Variants in NCKAP5 observed in about 807,000 individuals in gnomAD.
The protein encoded by NCKAP5 is NCK associated protein 5.
In NCKAP5, 92 loss-of-function variants were observed where a neutral mutation model predicts 167.0. The ratio of observed to expected loss-of-function variants is 0.55; its 90% CI spans 0.47 to 0.66. NCKAP5 has a LOEUF of 0.66. Ranked by LOEUF, NCKAP5 falls within the 30% of genes least tolerant of loss-of-function variation. NCKAP5 has a pLI of 0.00. For synonymous variants in NCKAP5, 891 were observed against 877.4 expected (o/e 1.02, Z -0.27); for missense variants, 2,378 against 2,315.0 (o/e 1.03, Z -0.56).
intron 4 of NCKAP5, among the ~76,000 whole-genome samples, chr2:133,270,374 C>T (rs994790878): frequency 1.3e-5 from 2 of 152,068 alleles, no homozygotes; most frequent in African/African-American, 4.8e-5. Flanking sequence ...TGGAACTTTC[C>T]CATCTGAGAA....
intron 19 of NCKAP5, among the ~76,000 whole-genome samples, chr2:132,713,232 G>A (rs889704679): frequency 7.9e-5 from 12 of 152,088 alleles, no homozygotes; most frequent in Non-Finnish European, 1.8e-4. Context: ...TGTTCAAAAC[G>A]ACAAAGTCAA....
the NCKAP5 span, among the ~76,000 whole-genome samples, chr2:133,672,562 A>G: frequency 5.9e-5 from 9 of 152,204 alleles, no homozygotes; most frequent in Admixed American, 6.5e-5. Context: ...ATTGTTCTAT[A>G]TGTTTAGCCT....
intron 6 of NCKAP5, among the ~76,000 whole-genome samples, chr2:133,056,569 C>T (rs2079808612): frequency 6.6e-6 from 1 of 152,126 alleles, no homozygotes; most frequent in Non-Finnish European, 1.5e-5. Flanking sequence ...ACATGAAATG[C>T]TAAATAAAGC....
intron 6 of NCKAP5, chr2:133,118,725 T>A (rs1350855593): frequency 6.6e-6 from 1 of 152,182 alleles, no homozygotes; most frequent in African/African-American, 2.4e-5. Flanking sequence ...TTTTGTTAGC[T>A]AAACACATAT....
chr2:133,550,375 A>G (rs1332542002), intron 2 of NCKAP5, among the ~76,000 whole-genome samples: 1 of 151,590 alleles, frequency 6.6e-6, no homozygotes, highest in Admixed American at 6.6e-5. Flanking sequence ...CGAATCCAGC[A>G]GCACATCAAA....
At chr2:132,964,004 G>A in intron 7 of NCKAP5, 135 bp from the exon 8 acceptor site, 1 of 979,462 alleles carries the variant, frequency 1.0e-6, no homozygotes, top group East Asian at 2.4e-5. Context: ...CAAATTCTGA[G>A]AGGGGTTTAT....
At chr2:133,309,858 C>G (rs1228705905) in intron 3 of NCKAP5, among the ~76,000 whole-genome samples, 3 of 152,104 alleles carry the variant, frequency 2.0e-5, no homozygotes, top group Admixed American at 1.3e-4. Context: ...AATCGTGTAT[C>G]AAAGCTTGCA....
intron 5 of NCKAP5, among the ~76,000 whole-genome samples, chr2:133,166,236 A>C (rs909289750): frequency 1.3e-5 from 2 of 152,218 alleles, no homozygotes; most frequent in African/African-American, 4.8e-5. Context: ...AGATAAAACA[A>C]TAATCAGTAA....
chr2:133,529,142 T>C (rs1175171099), intron 2 of NCKAP5, among the ~76,000 whole-genome samples: 1 of 152,180 alleles, frequency 6.6e-6, no homozygotes, highest in Admixed American at 6.5e-5. Flanking sequence ...TAATTTTTTT[T>C]TATTTTGTAA....
intron 5 of NCKAP5, among the ~76,000 whole-genome samples, chr2:133,151,731 C>T (rs1559196941): frequency 6.6e-6 from 1 of 152,168 alleles, no homozygotes; most frequent in Non-Finnish European, 1.5e-5. Flanking sequence ...CAAAGCTAAA[C>T]ATAGGCTTAC....
At chr2:133,273,695 A>G (rs1358574890) in intron 4 of NCKAP5, among the ~76,000 whole-genome samples, 5 of 152,032 alleles carry the variant, frequency 3.3e-5, no homozygotes, top group African/African-American at 1.2e-4. Flanking sequence ...GTGGAAAATT[A>G]TAACAGTAGT....
At chr2:133,167,015 T>C (rs978993934) in intron 5 of NCKAP5, among the ~76,000 whole-genome samples, 1 of 152,192 alleles carries the variant, frequency 6.6e-6, no homozygotes, top group Non-Finnish European at 1.5e-5. Context: ...TCAGCTCAAA[T>C]GCTTTCCTGT....
intron 3 of NCKAP5, among the ~76,000 whole-genome samples, chr2:133,326,280 C>G (rs946997898): frequency 6.6e-6 from 1 of 151,968 alleles, no homozygotes; most frequent in Non-Finnish European, 1.5e-5. Context: ...ACGGTGAAAC[C>G]CTGTCTCTAC....
At chr2:133,040,350 A>G (rs1287450836) in intron 6 of NCKAP5, among the ~76,000 whole-genome samples, 1 of 152,156 alleles carries the variant, frequency 6.6e-6, no homozygotes. Context: ...GCAGTGACCT[A>G]ATACTTCTCT....
chr2:132,778,977 A>T (rs1682785690), intron 15 of NCKAP5, among the ~76,000 whole-genome samples: 1 of 152,202 alleles, frequency 6.6e-6, no homozygotes, highest in South Asian at 2.1e-4. Flanking sequence ...TTTTACATTT[A>T]AAAAAATGAC....
chr2:133,079,911 T>C (rs1468216140), intron 6 of NCKAP5, among the ~76,000 whole-genome samples: 1 of 152,160 alleles, frequency 6.6e-6, no homozygotes, highest in Non-Finnish European at 1.5e-5. Flanking sequence ...TCCCCATTGT[T>C]GAAGACAAGA....
chr2:133,287,287 T>C (rs922247926), intron 4 of NCKAP5, among the ~76,000 whole-genome samples: 6 of 152,352 alleles, frequency 3.9e-5, no homozygotes, highest in Middle Eastern at 3.4e-3. Flanking sequence ...GATTGTAGTG[T>C]CTGTAACTGA....
At chr2:133,521,366 C>A (rs571510320) in intron 2 of NCKAP5, among the ~76,000 whole-genome samples, 1 of 152,328 alleles carries the variant, frequency 6.6e-6, no homozygotes, top group South Asian at 2.1e-4. Flanking sequence ...AGTAGACAAT[C>A]TTTTGAAAAA....
At chr2:133,061,738 C>T (rs1258151203) in intron 6 of NCKAP5, among the ~76,000 whole-genome samples, 5 of 152,124 alleles carry the variant, frequency 3.3e-5, no homozygotes, top group Non-Finnish European at 5.9e-5. Flanking sequence ...GATACAATTT[C>T]AGAAGAGAGA....
Sources: allele counts gnomAD v4.1 joint callset (sites outside exome capture counted in the v4.1 genomes callset), GRCh38; gene constraint gnomAD v4.1.1; transcripts MANE v1.5; gene names NCBI Gene and HGNC (gene_info 2026-07-23, HGNC 2026-07-21).